The following PTPRM variants were observed in gnomAD, a reference collection of about 807,000 sequenced individuals.
The protein encoded by PTPRM is protein tyrosine phosphatase receptor type M, also known as receptor-type tyrosine-protein phosphatase mu.
Under a neutral mutation model 186.7 loss-of-function variants are expected in PTPRM, and 47 were observed. The ratio of observed to expected loss-of-function variants is 0.25; its 90% CI spans 0.20 to 0.32. The LOEUF (loss-of-function observed/expected upper bound fraction) is 0.32. Among genes scored for constraint, PTPRM ranks in the 10% least tolerant of loss-of-function variants. The pLI is 1.00. For missense variants in PTPRM, 1,494 were observed against 1,865.0 expected, an observed-to-expected ratio of 0.80 and a Z score of 3.66; for synonymous variants, 668 against 674.9, an observed-to-expected ratio of 0.99 and a Z score of 0.16.
At chr18:8,318,641 G>A (rs761819804) in intron 21 of PTPRM, among the ~76,000 whole-genome samples, 1 of 151,930 alleles carries the variant, frequency 6.6e-6, no homozygotes, top group Non-Finnish European at 1.5e-5. Context: ...TTTCTTATAG[G>A]GTCATGATAA....
At chr18:7,707,260 A>G (rs1200190029) in intron 1 of PTPRM, among the ~76,000 whole-genome samples, 1 of 152,166 alleles carries the variant, frequency 6.6e-6, no homozygotes, top group East Asian at 1.9e-4. Context: ...ATATTTTTCA[A>G]AATGAGTTAA....
intron 16 of PTPRM, 111 bp downstream of exon 16, chr18:8,248,030 T>A: frequency 7.4e-7 from 1 of 1,345,722 alleles, no homozygotes; most frequent in Non-Finnish European, 1.1e-6. Flanking sequence ...TTTGAGATGT[T>A]GTAACCCAAT....
chr18:8,034,614 C>T (rs1412767693), intron 7 of PTPRM, among the ~76,000 whole-genome samples: 1 of 152,208 alleles, frequency 6.6e-6, no homozygotes, highest in Non-Finnish European at 1.5e-5. Context: ...CATTATATTT[C>T]AGAGCCTAAG....
intron 20 of PTPRM, among the ~76,000 whole-genome samples, chr18:8,308,490 A>C (rs1412097574): frequency 6.6e-6 from 1 of 152,360 alleles, no homozygotes; most frequent in African/African-American, 2.4e-5. Flanking sequence ...AAATTACTTA[A>C]GTTTAGTAAT....
intron 2 of PTPRM, among the ~76,000 whole-genome samples, chr18:7,797,782 AGTGTTTCAGGCAATCTAGT>A (rs1458002133): frequency 8.5e-5 from 13 of 152,194 alleles, no homozygotes; most frequent in Non-Finnish European, 1.5e-5. Context: ...TGACACCTGC[AGTGTTTCAGGCAATCTAGT>A]GTGTTCTTTA....
At chr18:8,141,142 A>C (rs2092757143) in intron 13 of PTPRM, among the ~76,000 whole-genome samples, 1 of 152,192 alleles carries the variant, frequency 6.6e-6, no homozygotes, top group South Asian at 2.1e-4. Flanking sequence ...GGGCACAGGC[A>C]GGAAAGCAGG....
At chr18:7,689,329 G>T (rs2039682082) in intron 1 of PTPRM, among the ~76,000 whole-genome samples, 1 of 152,188 alleles carries the variant, frequency 6.6e-6, no homozygotes, top group African/African-American at 2.4e-5. Context: ...TCGGGATTGG[G>T]CTCAAAGGGC....
chr18:8,384,534 C>T, intron 29 of PTPRM, 27 bp from the exon 30 acceptor site: 1 of 1,612,834 alleles, frequency 6.2e-7, no homozygotes, highest in Non-Finnish European at 8.5e-7. Context: ...TTATAACTAA[C>T]CTTGTGTTTA....
chr18:7,714,917 C>T lies in PTPRM; in HGVS notation c.74-59232C>T, dbSNP rs555322668. Among the ~76,000 whole-genome samples the T allele has an allele frequency of 1.4e-4, 22 of 152,316 alleles. 1 individual carries two copies. The South Asian group carries it at 4.3e-3, about 30-fold the overall frequency. Reference sequence around the variant, plus strand: ...AAAAGCCTAGGACCAGACGGACTCACAGCCGAATTCTACGAGAGGTACAAA... The same window carrying T: ...AAAAGCCTAGGACCAGACGGACTCATAGCCGAATTCTACGAGAGGTACAAA... On this transcript the variant is annotated intron_variant, in intron 1 of 32. Transcript: ENST00000580170.
At chr18:8,116,653 A>C (rs2091968684) in intron 13 of PTPRM, among the ~76,000 whole-genome samples, 1 of 152,230 alleles carries the variant, frequency 6.6e-6, no homozygotes, top group Non-Finnish European at 1.5e-5. Context: ...GCTCATTTAC[A>C]TAGTTAAATA....
At chr18:8,077,039 C>T (rs574491682) in intron 9 of PTPRM, among the ~76,000 whole-genome samples, 31 of 152,220 alleles carry the variant, frequency 2.0e-4, no homozygotes, top group African/African-American at 7.2e-4. Context: ...AACATCCTTT[C>T]GACTTCTGTG....
chr18:8,035,193 C>T (rs547732954), intron 7 of PTPRM, among the ~76,000 whole-genome samples: 1 of 152,266 alleles, frequency 6.6e-6, no homozygotes, highest in South Asian at 2.1e-4. Flanking sequence ...GTCTCTTTTC[C>T]ACTTCCATTT....
intron 1 of PTPRM, among the ~76,000 whole-genome samples, chr18:7,596,289 C>T (rs1348034187): frequency 6.6e-6 from 1 of 152,042 alleles, no homozygotes; most frequent in Non-Finnish European, 1.5e-5. Flanking sequence ...GGAGTCATGT[C>T]CTGGGTGGGA....
At chr18:8,224,799 C>G (rs9967265) in intron 14 of PTPRM, among the ~76,000 whole-genome samples, 79,960 of 151,638 alleles carry the variant, frequency 0.53, 21,515 homozygotes, top group Middle Eastern at 0.74. Flanking sequence ...CATTCTTATG[C>G]TGTCATTTAA....
chr18:7,693,886 T>G (rs2039786838), intron 1 of PTPRM, among the ~76,000 whole-genome samples: 1 of 117,658 alleles, frequency 8.5e-6, no homozygotes, highest in Non-Finnish European at 1.8e-5. Flanking sequence ...TGAACAGGAG[T>G]AGGGGAAGGA....
In PTPRM at chr18:8,038,982, GT is replaced by G. The variant is rs143219893; in HGVS notation, c.1133-30695del. 6.0e-5 allele frequency among the ~76,000 whole-genome samples: 9 copies of G among 150,650 alleles called. No homozygotes were observed. In the East Asian group the frequency reaches 7.8e-4, roughly 13 times the overall value. Reference sequence around the variant, plus strand: ...TAAATAACTGGAACTATTTTCAGGGGTTTTTTTTTGCCAGAATTATATTAGA... The same window carrying G: ...TAAATAACTGGAACTATTTTCAGGGGTTTTTTTTGCCAGAATTATATTAGA... On this transcript the variant is annotated intron_variant, in intron 7 of 32. Coordinates refer to ENST00000580170, the MANE Select transcript of PTPRM (RefSeq NM_001105244.2).
At chr18:7,829,188 A>G (rs2045638622) in intron 2 of PTPRM, among the ~76,000 whole-genome samples, 1 of 152,256 alleles carries the variant, frequency 6.6e-6, no homozygotes, top group Non-Finnish European at 1.5e-5. Flanking sequence ...TATATGGTTC[A>G]AAGCACTTCT....
chr18:8,125,626 T>C (rs939157483), intron 13 of PTPRM, among the ~76,000 whole-genome samples: 5 of 152,060 alleles, frequency 3.3e-5, no homozygotes, highest in Non-Finnish European at 5.9e-5. Flanking sequence ...AAAAATGCTT[T>C]GCTAAGTTAC....
At chr18:8,000,194 A>C (rs1349511051) in intron 7 of PTPRM, among the ~76,000 whole-genome samples, 2 of 152,140 alleles carry the variant, frequency 1.3e-5, no homozygotes, top group Non-Finnish European at 2.9e-5. Flanking sequence ...TCTTCACCAG[A>C]TGTCTAGGCT....
Sources: allele counts gnomAD v4.1 joint callset (sites outside exome capture counted in the v4.1 genomes callset), GRCh38; gene constraint gnomAD v4.1.1; transcripts MANE v1.5; gene names NCBI Gene and HGNC (gene_info 2026-07-23, HGNC 2026-07-21).